The following ZFHX4 variants were observed in gnomAD, a reference collection of about 807,000 sequenced individuals.
ZFHX4 encodes zinc finger homeobox protein 4.
In ZFHX4, 56 loss-of-function variants were observed where a neutral mutation model predicts 267.6. The ratio of observed to expected loss-of-function variants is 0.21; its 90% CI spans 0.17 to 0.26. ZFHX4 has a LOEUF of 0.26. ZFHX4 is among the 10% of genes least tolerant of loss of function. The pLI, the probability that ZFHX4 is intolerant of heterozygous loss-of-function variation, is 1.00. For synonymous variants in ZFHX4, 1,778 were observed against 1,665.6 expected (o/e 1.07, Z -1.64); for missense variants, 4,332 against 4,420.0 (o/e 0.98, Z 0.56).
In ZFHX4 at chr8:76,854,930, C is replaced by T; in HGVS notation, c.8009C>T (p.Pro2670Leu). The change falls in exon 10 of 11, where the codon CCA becomes CTA. Residue 2670 changes from proline (P) to leucine (L), a missense_variant. By Grantham distance (98) the Pro-to-Leu change is moderately conservative (BLOSUM62 -3). Around this residue, in one of 7 missense-constraint regions of ZFHX4, gnomAD observed 1,648 missense variants for 1,625.0 expected, o/e 1.01. Coordinates refer to ENST00000651372, the MANE Select transcript of ZFHX4 (RefSeq NM_024721.5). Reference sequence around the variant, plus strand: ...AAAGGCCAGTTCCGGGCGGTGGGTCCAGCACAGTCTCATAAACGGTGTCCG... The same window carrying T: ...AAAGGCCAGTTCCGGGCGGTGGGTCTAGCACAGTCTCATAAACGGTGTCCG... ...ERKGQFRAVG[P>L]AQSHKRCPFC... is the part of the protein sequence containing the mutation. 1 of 1,613,942 alleles carries T rather than the reference C, an allele frequency of 6.2e-7. No homozygotes were observed. The highest frequency in any genetic ancestry group is 8.5e-7 in the Non-Finnish European group (1 of 1,179,878).
At chr8:76,769,634 G>A (rs760966882) in intron 3 of ZFHX4, among the ~76,000 whole-genome samples, 1 of 152,152 alleles carries the variant, frequency 6.6e-6, no homozygotes, top group African/African-American at 2.4e-5. Context: ...TCATAGGCGT[G>A]AGCCATGTCA....
intron 4 of ZFHX4, among the ~76,000 whole-genome samples, chr8:76,817,071 G>T (rs78299597): frequency 6.6e-6 from 1 of 152,006 alleles, no homozygotes; most frequent in South Asian, 2.1e-4. Context: ...TAAAAAAAAG[G>T]TTCAGCTAAA....
chr8:76,682,426 AC>A (rs1053484943), intron 1 of ZFHX4: 1 of 151,180 alleles, frequency 6.6e-6, no homozygotes, highest in African/African-American at 2.5e-5. Flanking sequence ...GCAGGTAGAC[AC>A]CCGCCCACCG....
At chr8:76,778,592 T>C (rs1278396316) in intron 4 of ZFHX4, among the ~76,000 whole-genome samples, 153 bp downstream of exon 4, 3 of 152,208 alleles carry the variant, frequency 2.0e-5, no homozygotes, top group African/African-American at 7.2e-5. Context: ...CTCTCAGAAA[T>C]GAACATGTTG....
intron 1 of ZFHX4, chr8:76,684,047 G>A (rs867216789): frequency 6.6e-6 from 1 of 150,744 alleles, no homozygotes; most frequent in Non-Finnish European, 1.5e-5. Flanking sequence ...TTTCTGTTTT[G>A]GTTTTTTTTT....
intron 3 of ZFHX4, among the ~76,000 whole-genome samples, chr8:76,742,811 A>G (rs531329294): frequency 6.6e-6 from 1 of 152,232 alleles, no homozygotes; most frequent in East Asian, 1.9e-4. Context: ...ATATTCCTAA[A>G]TCGGAACTGG....
chr8:76,800,769 A>G (rs921360797), intron 4 of ZFHX4, among the ~76,000 whole-genome samples: 1 of 152,192 alleles, frequency 6.6e-6, no homozygotes, highest in Non-Finnish European at 1.5e-5. Flanking sequence ...AAAGCATGCA[A>G]AACACTTTAA....
At chr8:76,756,113 G>C (rs1474151054) in intron 3 of ZFHX4, among the ~76,000 whole-genome samples, 1 of 152,148 alleles carries the variant, frequency 6.6e-6, no homozygotes, top group Non-Finnish European at 1.5e-5. Context: ...AAGTACAGTT[G>C]TCTTAGTGCT....
At position 76,854,510 on chromosome 8, in the gene ZFHX4, A is replaced by G. The variant is rs1812648598; in HGVS notation, c.7589A>G (p.Glu2530Gly). The change falls in exon 10 of 11, where the codon GAA becomes GGA. Residue 2530 changes from glutamate (E) to glycine (G), a missense_variant. Glu to Gly is a moderately conservative substitution (Grantham distance 98, BLOSUM62 -2). Coordinates refer to ENST00000651372, the MANE Select transcript of ZFHX4 (RefSeq NM_024721.5). ...CAATTCCTTCACTCTCCGTTCTTGGAAAGGCCCATGGACATGCCCTACATG... is the reference window on the plus strand; with the variant it reads ...CAATTCCTTCACTCTCCGTTCTTGGGAAGGCCCATGGACATGCCCTACATG... ...QNQFLHSPFL[E>G]RPMDMPYMIF... 8 of 1,613,896 alleles carry G rather than the reference A, an allele frequency of 5.0e-6. No homozygotes were observed. Among genetic ancestry groups the G allele is most frequent in the Non-Finnish European group, 6.8e-6 (8 of 1,179,874 alleles).
intron 3 of ZFHX4, among the ~76,000 whole-genome samples, chr8:76,735,359 T>G (rs982227703): frequency 6.6e-6 from 1 of 152,130 alleles, no homozygotes; most frequent in African/African-American, 2.4e-5. Context: ...AAGTAAACCC[T>G]TGCCTATAAA....
intron 3 of ZFHX4, chr8:76,733,352 C>G (rs2131666572): frequency 6.6e-6 from 1 of 152,378 alleles, no homozygotes; most frequent in African/African-American, 2.4e-5. Context: ...TCCTGTCTCC[C>G]TTAGACCTGA....
At chr8:76,735,482 T>C in intron 3 of ZFHX4, among the ~76,000 whole-genome samples, 1 of 152,126 alleles carries the variant, frequency 6.6e-6, no homozygotes, top group East Asian at 1.9e-4. Context: ...TTTAGTGAAA[T>C]GTTTTTATAA....
chr8:76,833,489 A>T, intron 5 of ZFHX4, 83 bp downstream of exon 5: 1 of 1,086,578 alleles, frequency 9.2e-7, no homozygotes, highest in Non-Finnish European at 1.4e-6. Context: ...TGGAATAAAC[A>T]TTCTCTGGAA....
At chr8:76,735,717 T>C (rs1809141299) in intron 3 of ZFHX4, among the ~76,000 whole-genome samples, 1 of 152,116 alleles carries the variant, frequency 6.6e-6, no homozygotes, top group South Asian at 2.1e-4. Flanking sequence ...AGCTGCCCAT[T>C]TGCAGACAAA....
intron 4 of ZFHX4, among the ~76,000 whole-genome samples, chr8:76,822,827 C>A (rs993828712): frequency 6.6e-6 from 1 of 152,074 alleles, no homozygotes; most frequent in African/African-American, 2.4e-5. Flanking sequence ...TGCCCTTACC[C>A]TTCATCGTCC....
At position 76,851,391 on chromosome 8, in the gene ZFHX4, G is replaced by A. The variant is rs527705735; in HGVS notation, c.4470G>A (p.Glu1490=). ...GCCTAGAGCAGGAAATGGAGAGAGA[G>A]TATGAGGTGGACCACGAAGGGAAAG... ...DHGLEQEMER[E]YEVDHEGKAS... Residue 1490 remains glutamate, a synonymous_variant, in exon 10 of 11, where the codon GAG becomes GAA. Coordinates refer to ENST00000651372, the MANE Select transcript of ZFHX4 (RefSeq NM_024721.5). 28 of 1,613,872 alleles carry A rather than the reference G, an allele frequency of 1.7e-5. No homozygotes were observed. The South Asian group carries it at 2.3e-4, about 13-fold the overall frequency.
chr8:76,771,516 G>T (rs1388340392), intron 3 of ZFHX4, among the ~76,000 whole-genome samples: 1 of 152,028 alleles, frequency 6.6e-6, no homozygotes, highest in Non-Finnish European at 1.5e-5. Flanking sequence ...ATAGCTTACT[G>T]CAGCCTCCAA....
rs1237307096 is a variant in ZFHX4, at chr8:76,706,061, C to A, written c.1973C>A (p.Thr658Asn). Reference sequence around the variant, plus strand: ...AACTGGCACTACAAATATCAGCAGACCCTGGAGGCCCATATGAAGGAGAAA... The same window carrying A: ...AACTGGCACTACAAATATCAGCAGAACCTGGAGGCCCATATGAAGGAGAAA... ...KCNWHYKYQQ[T>N]LEAHMKEKHP... The change falls in exon 2 of 11, where the codon ACC becomes AAC. Residue 658 changes from threonine to asparagine, a missense_variant. Around this residue, in one of 7 missense-constraint regions of ZFHX4, gnomAD observed 1,195 missense variants for 1,173.6 expected, o/e 1.02. Coordinates refer to ENST00000651372, the MANE Select transcript of ZFHX4 (RefSeq NM_024721.5). 1 of 1,613,680 alleles carries A rather than the reference C, an allele frequency of 6.2e-7. No individual in the cohort carries two copies. Among genetic ancestry groups the A allele is most frequent in the Admixed American group, 1.7e-5 (1 of 59,994 alleles).
rs1434904648 is a variant in ZFHX4, at chr8:76,863,344, C to T, written c.9630C>T (p.Thr3210=). The change falls in exon 11 of 11, where the codon ACC becomes ACT. Residue 3210 remains threonine, a synonymous_variant. Coordinates refer to ENST00000651372, the MANE Select transcript of ZFHX4 (RefSeq NM_024721.5). The part of the protein sequence containing the change: ...KKIKEEELEA[T]KPEKHPKKEE... ...TCAAAGAGGAGGAATTAGAGGCCAC[C>T]AAACCCGAAAAACACCCCAAAAAAG... is the stretch of plus-strand genomic sequence containing the variant. 1.9e-6 allele frequency: 3 copies of T among 1,613,768 alleles called. No individual in the cohort carries two copies. The highest frequency in any genetic ancestry group is 1.7e-5 in the Admixed American group (1 of 60,004).
Sources: allele counts gnomAD v4.1 joint callset (sites outside exome capture counted in the v4.1 genomes callset), GRCh38; gene constraint gnomAD v4.1.1; regional missense constraint gnomAD v4.1.1; transcripts MANE v1.5; gene names NCBI Gene and HGNC (gene_info 2026-07-23, HGNC 2026-07-21).